CSMD1: variants seen among roughly 807,000 people sequenced by gnomAD.
CSMD1 encodes CUB and sushi domain-containing protein 1.
Under a neutral mutation model 417.5 loss-of-function variants are expected in CSMD1, and 213 were observed. That is an observed-to-expected ratio of 0.51 (90% CI 0.46 to 0.57). CSMD1 has a LOEUF of 0.57. CSMD1 is among the 20% of genes least tolerant of loss of function. CSMD1 has a pLI of 0.00. For missense variants in CSMD1, 6,923 were observed against 4,529.7 expected, an observed-to-expected ratio of 1.53 and a Z score of -15.17; for synonymous variants, 2,862 against 1,736.8, an observed-to-expected ratio of 1.65 and a Z score of -16.11.
At chr8:3,826,743 A>G (rs1199438443) in intron 5 of CSMD1, among the ~76,000 whole-genome samples, 1 of 152,126 alleles carries the variant, frequency 6.6e-6, no homozygotes, top group African/African-American at 2.4e-5. Flanking sequence ...GAATATCCCT[A>G]GGAGGACTCA....
chr8:4,481,858 A>G (rs1375406437), intron 2 of CSMD1, among the ~76,000 whole-genome samples: 1 of 152,180 alleles, frequency 6.6e-6, no homozygotes, highest in African/African-American at 2.4e-5. Context: ...CTTCTATTTT[A>G]GAAGTCAGGA....
chr8:4,139,780 C>T (rs1378867731), intron 3 of CSMD1, among the ~76,000 whole-genome samples: 1 of 151,130 alleles, frequency 6.6e-6, no homozygotes, highest in Non-Finnish European at 1.5e-5. Flanking sequence ...GATGTTTGCA[C>T]ACTGAGCTCA....
chr8:3,461,097 C>T (rs1466696227), intron 12 of CSMD1, among the ~76,000 whole-genome samples: 1 of 152,202 alleles, frequency 6.6e-6, no homozygotes, highest in Non-Finnish European at 1.5e-5. Flanking sequence ...TCACCGCAGA[C>T]TCAGGTCCCA....
intron 2 of CSMD1, among the ~76,000 whole-genome samples, chr8:4,541,969 G>A (rs1452328896): frequency 6.6e-6 from 1 of 152,136 alleles, no homozygotes; most frequent in Non-Finnish European, 1.5e-5. Flanking sequence ...AGGCCTGACT[G>A]ACCTCAGATG....
intron 23 of CSMD1, among the ~76,000 whole-genome samples, chr8:3,323,812 G>A (rs541196615): frequency 2.7e-5 from 4 of 147,440 alleles, no homozygotes; most frequent in African/African-American, 1.1e-4. Context: ...AGGAGGGGGA[G>A]TTTCCTTCAC....
chr8:4,495,468 G>A (rs543805790), intron 2 of CSMD1, among the ~76,000 whole-genome samples: 12 of 152,100 alleles, frequency 7.9e-5, no homozygotes, highest in African/African-American at 2.4e-4. Flanking sequence ...CCACCTACTC[G>A]GGAGGCTGAA....
chr8:4,948,818 G>C (rs745747110), intron 1 of CSMD1, among the ~76,000 whole-genome samples: 2 of 152,018 alleles, frequency 1.3e-5, no homozygotes, highest in Non-Finnish European at 2.9e-5. Flanking sequence ...CCCTAGAATG[G>C]AGCTGCAGCA....
At chr8:2,965,038 C>T (rs75475952) in intron 59 of CSMD1, among the ~76,000 whole-genome samples, 8 of 152,194 alleles carry the variant, frequency 5.3e-5, no homozygotes, top group Non-Finnish European at 1.2e-4. Context: ...CTCTCTCCCC[C>T]TCTTCTTGTC....
chr8:3,974,178 A>C (rs55977896), intron 5 of CSMD1, among the ~76,000 whole-genome samples: 37,681 of 151,838 alleles, frequency 0.25, 4,756 homozygotes, highest in East Asian at 0.4. Context: ...ACACACCCCC[A>C]CAGTTTATTA....
intron 52 of CSMD1, among the ~76,000 whole-genome samples, chr8:3,000,724 C>T (rs1230922608): frequency 1.3e-5 from 2 of 152,136 alleles, no homozygotes. Flanking sequence ...GACAGATGTG[C>T]TGAAGTTAGC....
In CSMD1 at chr8:3,511,081, G is replaced by A. The variant is rs187312828; in HGVS notation, c.1345-17355C>T. 5.2e-3 allele frequency among the ~76,000 whole-genome samples: 788 copies of A among 151,832 alleles called. 29 individuals carry two copies. Among genetic ancestry groups the A allele is most frequent in the African/African-American group, 0.018 (736 of 41,154 alleles). On this transcript the variant is annotated intron_variant, in intron 10 of 69. Transcript: ENST00000635120. ...AAGGATGACTTGATGTCCTTTGCAGGGACATGGATGAAGCTGGAAACCATC... is the reference window on the plus strand; with the variant it reads ...AAGGATGACTTGATGTCCTTTGCAGAGACATGGATGAAGCTGGAAACCATC...
intron 2 of CSMD1, among the ~76,000 whole-genome samples, chr8:4,623,850 C>G (rs779817843): frequency 1.3e-5 from 2 of 151,990 alleles, no homozygotes; most frequent in Non-Finnish European, 2.9e-5. Context: ...ACTTAGAACA[C>G]AGGATGGATG....
rs1808127668 is a variant in CSMD1, at chr8:3,348,037, G to A, written c.3429C>T (p.His1143=). 8.7e-6 allele frequency: 14 copies of A among 1,609,842 alleles called. No homozygotes were observed. The highest frequency in any genetic ancestry group is 1.2e-5 in the Non-Finnish European group (14 of 1,177,838). ...KIETEAGKGI[H]LRTRSFQLFE... The stretch of plus-strand genomic sequence containing the variant: ...ACAGCTGGAAGCTTCGTGTTCTAAG[G>A]TGGATGCCCTTGCCGGCTTCTGTTT... Residue 1143 remains histidine, a synonymous_variant, in exon 22 of 70, where the codon CAC becomes CAT. Coordinates refer to ENST00000635120, the MANE Select transcript of CSMD1 (RefSeq NM_033225.6).
intron 2 of CSMD1, among the ~76,000 whole-genome samples, chr8:4,425,906 C>T (rs1462155708): frequency 1.3e-5 from 2 of 151,974 alleles, no homozygotes; most frequent in African/African-American, 2.4e-5. Flanking sequence ...TACTCCCTAT[C>T]GTAATTTTTT....
chr8:4,155,443 T>G (rs1487556095), intron 3 of CSMD1, among the ~76,000 whole-genome samples: 1 of 152,184 alleles, frequency 6.6e-6, no homozygotes, highest in African/African-American at 2.4e-5. Context: ...GAACCTTGTT[T>G]GGGAAATGAA....
At chr8:3,085,503 A>G (rs564628661) in intron 49 of CSMD1, among the ~76,000 whole-genome samples, 5 of 152,296 alleles carry the variant, frequency 3.3e-5, no homozygotes, top group South Asian at 4.1e-4. Flanking sequence ...ACACAAAGCC[A>G]TTGCCTCTCT....
At chr8:3,489,520 A>G (rs532621058) in intron 11 of CSMD1, among the ~76,000 whole-genome samples, 3 of 152,340 alleles carry the variant, frequency 2.0e-5, no homozygotes, top group African/African-American at 4.8e-5. Flanking sequence ...AAATTCGAGA[A>G]CAGTCTCAAT....
At chr8:4,453,124 A>T (rs1585100941) in intron 2 of CSMD1, among the ~76,000 whole-genome samples, 3 of 151,966 alleles carry the variant, frequency 2.0e-5, no homozygotes, top group Non-Finnish European at 4.4e-5. Flanking sequence ...AATTCCTTGG[A>T]CACATGTGTC....
intron 49 of CSMD1, among the ~76,000 whole-genome samples, chr8:3,086,844 G>A (rs1814566205): frequency 6.6e-6 from 1 of 152,146 alleles, no homozygotes; most frequent in Non-Finnish European, 1.5e-5. Flanking sequence ...TACTTCAAGA[G>A]GAAGTACAAC....
Sources: allele counts gnomAD v4.1 joint callset (sites outside exome capture counted in the v4.1 genomes callset), GRCh38; gene constraint gnomAD v4.1.1; transcripts MANE v1.5; gene names NCBI Gene and HGNC (gene_info 2026-07-23, HGNC 2026-07-21).